Variants in SPARCL1 observed in about 807,000 individuals in gnomAD.
The protein encoded by SPARCL1 is SPARC like 1, also known as SPARC-like protein 1.
Under a neutral mutation model 67.1 loss-of-function variants are expected in SPARCL1, and 52 were observed. That is an observed-to-expected ratio of 0.78 (90% CI 0.62 to 0.98). The LOEUF (loss-of-function observed/expected upper bound fraction) is 0.98, where lower values mean the gene tolerates loss of function less well. Ranked by LOEUF, SPARCL1 falls within the 50% of genes least tolerant of loss-of-function variation. The pLI, the probability that SPARCL1 is intolerant of heterozygous loss-of-function variation, is 0.00. For missense variants in SPARCL1, 717 were observed against 782.4 expected (o/e 0.92, Z 1.00); for synonymous variants, 226 against 267.8 (o/e 0.84, Z 1.52).
At position 87,474,743 on chromosome 4, in the gene SPARCL1, C is replaced by CTTTTTTTTT. The variant is rs11397474; in HGVS notation, c.1967-949_1967-941dup. ...CATCTGTAAAGATTTCTCTCTCTCT[C>CTTTTTTTTT]TTTTTTTTTTTTTTTTTGAGACGGA... is the stretch of plus-strand genomic sequence containing the variant. On this transcript the variant is annotated intron_variant, in intron 10 of 10. Transcript: ENST00000282470. Among the ~76,000 whole-genome samples the CTTTTTTTTT allele has an allele frequency of 3.2e-3, 423 of 130,680 alleles. 9 individuals carry two copies. Among genetic ancestry groups the CTTTTTTTTT allele is most frequent in the African/African-American group, 5.9e-3 (198 of 33,656 alleles). The allele number at this position is 130,680 out of a possible 152,430, so 85.7% of individuals were successfully genotyped here.
rs1449659232 is a variant in SPARCL1, at chr4:87,493,723, A to G, written c.1077T>C (p.Asp359=). ...GTDGPRHSAS[D]DYFIPSQAFL... ...AGGCCTGGCTTGGGATGAAGTAGTC[A>G]TCACTTGCACTGTGCCTGGGGCCAT... is the stretch of plus-strand genomic sequence containing the variant. The change falls in exon 4 of 11, where the codon GAT becomes GAC. Residue 359 remains aspartate, a synonymous_variant. Transcript: ENST00000282470. 1.5e-5 allele frequency: 25 copies of G among 1,614,026 alleles called. No individual in the cohort carries two copies. The highest frequency in any genetic ancestry group is 1.9e-5 in the Non-Finnish European group (22 of 1,180,032).
chr4:87,518,944 A>G (rs1422906122), intron 1 of SPARCL1, among the ~76,000 whole-genome samples: 1 of 152,222 alleles, frequency 6.6e-6, no homozygotes, highest in African/African-American at 2.4e-5. Context: ...AATGATTTCA[A>G]TGAGCTAAGA....
rs1294517567 is a variant in SPARCL1, at chr4:87,479,558, A to C, written c.1838T>G (p.Leu613Arg). ...CACCAGAGATGCTCGCAGAGGAGCA[A>C]GTTCAGAATGTGTCAAGACTCTGCA... ...PMDRVLTHSE[L>R]APLRASLVPM... is the part of the protein sequence containing the mutation. Residue 613 changes from leucine (L) to arginine (R), a missense_variant, in exon 10 of 11, where the codon CTT becomes CGT. Transcript: ENST00000282470. 6.2e-7 allele frequency: 1 copy of C among 1,614,148 alleles called. No individual in the cohort carries two copies. Among genetic ancestry groups the C allele is most frequent in the Non-Finnish European group, 8.5e-7 (1 of 1,180,016 alleles).
intron 1 of SPARCL1, among the ~76,000 whole-genome samples, chr4:87,524,141 A>G (rs533295818): frequency 1.6e-4 from 24 of 152,344 alleles, no homozygotes; most frequent in Non-Finnish European, 3.1e-4. Context: ...AACGTAATAA[A>G]AAGTTAATGA....
chr4:87,478,526 C>T (rs1245075791), intron 10 of SPARCL1, among the ~76,000 whole-genome samples: 4 of 151,682 alleles, frequency 2.6e-5, no homozygotes, highest in Non-Finnish European at 4.4e-5. Flanking sequence ...CAAACTCTGC[C>T]TCCCGGGTTC....
intron 10 of SPARCL1, among the ~76,000 whole-genome samples, chr4:87,478,179 T>C (rs1234631587): frequency 6.6e-6 from 1 of 152,186 alleles, no homozygotes; most frequent in African/African-American, 2.4e-5. Flanking sequence ...ATGAATGAAA[T>C]CTCTGTTTCA....
intron 1 of SPARCL1, among the ~76,000 whole-genome samples, chr4:87,522,665 A>G (rs1399425012): frequency 6.6e-6 from 1 of 150,496 alleles, no homozygotes; most frequent in African/African-American, 2.5e-5. Context: ...ACACACACAC[A>G]CACACACACA....
At chr4:87,512,004 T>C (rs1181471951) in intron 1 of SPARCL1, among the ~76,000 whole-genome samples, 2 of 144,202 alleles carry the variant, frequency 1.4e-5, no homozygotes, top group Admixed American at 7.0e-5. Flanking sequence ...TCACTCTGTT[T>C]TCCAGGCTGG....
chr4:87,516,105 C>G lies in SPARCL1; in HGVS notation c.-12+12940G>C, dbSNP rs80163553. ...TCTCCTGGAAAACTCATTTTGGGAG[C>G]CTTGAGCCATTTTCTGAGTCTGTCA... is the stretch of plus-strand genomic sequence containing the variant. On this transcript the variant is annotated intron_variant, in intron 1 of 10. Transcript: ENST00000282470. 0.024 allele frequency among the ~76,000 whole-genome samples: 3,693 copies of G among 152,230 alleles called. 376 individuals are homozygous for G. In the East Asian group the frequency reaches 0.33, roughly 13 times the overall value.
chr4:87,508,768 C>T (rs567407781), intron 1 of SPARCL1, among the ~76,000 whole-genome samples: 6 of 142,734 alleles, frequency 4.2e-5, no homozygotes, highest in Admixed American at 2.1e-4. Context: ...AGACAGGAAC[C>T]GTGGATGAAA....
At chr4:87,512,321 G>T (rs986215822) in intron 1 of SPARCL1, among the ~76,000 whole-genome samples, 37 of 152,096 alleles carry the variant, frequency 2.4e-4, no homozygotes, top group African/African-American at 8.9e-4. Flanking sequence ...AGGAAAAATT[G>T]AAGATAAAGG....
At chr4:87,506,804 TCTATCTATCTATCTATCTATCTAC>T (rs1263929484) in intron 1 of SPARCL1, among the ~76,000 whole-genome samples, 1 of 143,164 alleles carries the variant, frequency 7.0e-6, no homozygotes, top group Non-Finnish European at 1.5e-5. Flanking sequence ...TATCTATCTA[TCTATCTATCTATCTATCTATCTAC>T]CTACCTACCT....
At position 87,510,847 on chromosome 4, in the gene SPARCL1, A is replaced by G. The variant is rs544408148; in HGVS notation, c.-11-11262T>C. Among the ~76,000 whole-genome samples, 5 of 152,336 alleles carry G rather than the reference A, an allele frequency of 3.3e-5. 1 individual carries two copies. Among genetic ancestry groups the G allele is most frequent in the African/African-American group, 1.2e-4 (5 of 41,576 alleles). On this transcript the variant is annotated intron_variant, in intron 1 of 10. Coordinates refer to ENST00000282470, the MANE Select transcript of SPARCL1 (RefSeq NM_004684.6). ...GCTGATAACACACTGCTGTCTGCGG[A>G]CGGTGGAGCTAAGAGTATGGTTACA...
chr4:87,473,868 A>G, intron 10 of SPARCL1, 65 bp from the exon 11 acceptor site: 1 of 1,119,070 alleles, frequency 8.9e-7, no homozygotes, highest in East Asian at 2.4e-5. Context: ...CACAAACAAT[A>G]TTAGAGTTGG....
At chr4:87,501,521 AT>A (rs1047143723) in intron 1 of SPARCL1, among the ~76,000 whole-genome samples, 3 of 151,830 alleles carry the variant, frequency 2.0e-5, no homozygotes, top group Admixed American at 6.6e-5. Flanking sequence ...TTTTCTCAGA[AT>A]TTTTTTTAAA....
intron 7 of SPARCL1, among the ~76,000 whole-genome samples, chr4:87,489,988 C>A (rs547059256): frequency 4.6e-5 from 7 of 152,152 alleles, no homozygotes; most frequent in Non-Finnish European, 1.0e-4. Context: ...AAGTGGATAG[C>A]ATTATCATAG....
At chr4:87,475,924 CAT>C (rs1302927163) in intron 10 of SPARCL1, among the ~76,000 whole-genome samples, 1 of 152,194 alleles carries the variant, frequency 6.6e-6, no homozygotes, top group Admixed American at 6.5e-5. Context: ...CACATGCACT[CAT>C]ATGCTCGTTG....
At position 87,484,081 on chromosome 4, in the gene SPARCL1, G is replaced by A. The variant is rs968140085; in HGVS notation, c.1532-1521C>T. ...TCTTTTGCTGTGCAGAAGCTCTTTA[G>A]TTTAATTAGATCCCATTAATCAATT... On this transcript the variant is annotated intron_variant, in intron 7 of 10. Coordinates refer to ENST00000282470, the MANE Select transcript of SPARCL1 (RefSeq NM_004684.6). Among the ~76,000 whole-genome samples, 11 of 152,256 alleles carry A rather than the reference G, an allele frequency of 7.2e-5. No individual in the cohort carries two copies. The South Asian group carries it at 1.0e-3, about 14-fold the overall frequency.
At chr4:87,501,410 G>A (rs750979566) in intron 1 of SPARCL1, among the ~76,000 whole-genome samples, 1 of 152,094 alleles carries the variant, frequency 6.6e-6, no homozygotes, top group Non-Finnish European at 1.5e-5. Flanking sequence ...ACACACAGGA[G>A]ACAGAATTTT....
Sources: gnomAD v4.1 joint callset for allele counts (sites outside exome capture counted in the v4.1 genomes callset) on GRCh38, gnomAD v4.1.1 for gene constraint, MANE v1.5 for transcripts, NCBI Gene and HGNC (gene_info 2026-07-23, HGNC 2026-07-21) for gene names.